Variants in AUTS2 observed in about 807,000 individuals in gnomAD.
The protein encoded by AUTS2 is activator of transcription and developmental regulator AUTS2, also known as autism susceptibility gene 2 protein.
A neutral mutation model predicts 112.4 loss-of-function variants in AUTS2; 17 were observed. That is an observed-to-expected ratio of 0.15 (90% CI 0.10 to 0.23). The LOEUF (loss-of-function observed/expected upper bound fraction) is 0.23, where lower values mean the gene tolerates loss of function less well. Ranked by LOEUF, AUTS2 falls within the 10% of genes least tolerant of loss-of-function variation. The probability of loss-of-function intolerance (pLI) is 1.00; values close to 1 mark genes in which losing one functional copy is unlikely to be tolerated. For synonymous variants in AUTS2, 751 were observed against 702.7 expected (o/e 1.07, Z -1.09); for missense variants, 1,510 against 1,701.6 (o/e 0.89, Z 1.98).
At chr7:70,727,438 C>T (rs1787105457) in intron 6 of AUTS2, among the ~76,000 whole-genome samples, 3 of 152,158 alleles carry the variant, frequency 2.0e-5, no homozygotes, top group African/African-American at 2.4e-5. Flanking sequence ...CAACCTCTAC[C>T]TCCTGGGTTC....
At chr7:70,568,616 C>G (rs1433503269) in intron 5 of AUTS2, among the ~76,000 whole-genome samples, 1 of 152,232 alleles carries the variant, frequency 6.6e-6, no homozygotes, top group Non-Finnish European at 1.5e-5. Context: ...GGACACCTGT[C>G]TCCTTCATCT....
chr7:70,447,782 A>G (rs1386205305), intron 5 of AUTS2, among the ~76,000 whole-genome samples: 1 of 152,252 alleles, frequency 6.6e-6, no homozygotes, highest in Non-Finnish European at 1.5e-5. Flanking sequence ...CCAACAAAAT[A>G]TCACTCAAAG....
intron 4 of AUTS2, among the ~76,000 whole-genome samples, chr7:70,155,536 C>G (rs913883589): frequency 6.6e-6 from 1 of 151,396 alleles, no homozygotes; most frequent in South Asian, 2.1e-4. Flanking sequence ...GCCAGTAAAG[C>G]CTCTGCTGAT....
chr7:70,642,619 T>G (rs958813158), intron 5 of AUTS2, among the ~76,000 whole-genome samples: 1 of 152,130 alleles, frequency 6.6e-6, no homozygotes, highest in African/African-American at 2.4e-5. Context: ...CTGACCTACT[T>G]CCCTGTGTCC....
At chr7:70,586,185 G>A (rs73445466) in intron 5 of AUTS2, among the ~76,000 whole-genome samples, 2,257 of 152,146 alleles carry the variant, frequency 0.015, 57 homozygotes, top group African/African-American at 0.051. Flanking sequence ...TAAAACACTC[G>A]AAACAATGCT....
chr7:69,820,378 A>G (rs957381256), intron 1 of AUTS2, among the ~76,000 whole-genome samples: 3 of 152,218 alleles, frequency 2.0e-5, no homozygotes, highest in Non-Finnish European at 4.4e-5. Context: ...GGAGCACCCT[A>G]ATTCTCTGGG....
intron 5 of AUTS2, among the ~76,000 whole-genome samples, chr7:70,582,655 T>C (rs1218727757): frequency 6.6e-6 from 1 of 152,190 alleles, no homozygotes. Context: ...AATGCTGAGT[T>C]TTGTTAATGA....
At chr7:70,386,188 C>T (rs1793599092) in intron 4 of AUTS2, among the ~76,000 whole-genome samples, 1 of 152,160 alleles carries the variant, frequency 6.6e-6, no homozygotes, top group African/African-American at 2.4e-5. Context: ...ATATGTCTTC[C>T]CTGGGCCATC....
At chr7:69,721,398 C>T (rs569245735) in intron 1 of AUTS2, among the ~76,000 whole-genome samples, 1 of 152,298 alleles carries the variant, frequency 6.6e-6, no homozygotes, top group South Asian at 2.1e-4. Flanking sequence ...TCCCTTATTC[C>T]GCTTTTCTTC....
intron 2 of AUTS2, among the ~76,000 whole-genome samples, chr7:70,007,545 A>G (rs527632326): frequency 1.3e-5 from 2 of 152,298 alleles, no homozygotes; most frequent in East Asian, 3.9e-4. Context: ...TTTATTGAAC[A>G]TTTATTATGT....
At chr7:70,627,900 C>T (rs1805033565) in intron 5 of AUTS2, among the ~76,000 whole-genome samples, 1 of 152,064 alleles carries the variant, frequency 6.6e-6, no homozygotes, top group Non-Finnish European at 1.5e-5. Context: ...GGAAACAGGC[C>T]CCTGTGTAGA....
intron 1 of AUTS2, among the ~76,000 whole-genome samples, chr7:69,810,396 C>T (rs182193457): frequency 2.0e-5 from 3 of 152,100 alleles, no homozygotes; most frequent in African/African-American, 4.8e-5. Flanking sequence ...CAGTGCCTAG[C>T]CCATAATTAA....
At chr7:70,177,583 A>T (rs1343744668) in intron 4 of AUTS2, among the ~76,000 whole-genome samples, 3 of 152,242 alleles carry the variant, frequency 2.0e-5, no homozygotes, top group Non-Finnish European at 4.4e-5. Context: ...AGTCTCAGAA[A>T]AACTGAAGCT....
chr7:70,471,589 G>A (rs989220663), intron 5 of AUTS2, among the ~76,000 whole-genome samples: 1 of 152,058 alleles, frequency 6.6e-6, no homozygotes, highest in African/African-American at 2.4e-5. Context: ...ATAGGCGCTG[G>A]GGATATTAAT....
intron 5 of AUTS2, among the ~76,000 whole-genome samples, chr7:70,575,106 G>C (rs192043159): frequency 1.3e-5 from 2 of 152,184 alleles, no homozygotes; most frequent in Non-Finnish European, 2.9e-5. Context: ...GACAGCGAAG[G>C]CTTTATTAAA....
At position 69,670,555 on chromosome 7, in the gene AUTS2, CAAAAAAAAAAAAAAAAAA is replaced by C. The variant is rs200373158; in HGVS notation, c.309+70612_309+70629del. Among the ~76,000 whole-genome samples, 7 of 119,068 alleles carry C rather than the reference CAAAAAAAAAAAAAAAAAA, an allele frequency of 5.9e-5. No individual in the cohort carries two copies. In the East Asian group the frequency reaches 1.2e-3, roughly 20 times the overall value. 78.1% of individuals were successfully genotyped at this position (119,068 alleles called of 152,430 possible). A position where few individuals can be genotyped will look rare whatever the true frequency, so the allele number is the denominator to read the frequency against. Reference sequence around the variant, plus strand: ...CATGGTTGTTTTTTACTTGATCCCTCAAAAAAAAAAAAAAAAAAAAAAAAAAAAAAAAAAAAGCAGCTG... The same window carrying C: ...CATGGTTGTTTTTTACTTGATCCCTCAAAAAAAAAAAAAAAAAAGCAGCTG... On this transcript the variant is annotated intron_variant, in intron 1 of 18. Transcript: ENST00000342771.
At chr7:70,654,096 A>G (rs1806645285) in intron 5 of AUTS2, among the ~76,000 whole-genome samples, 1 of 152,202 alleles carries the variant, frequency 6.6e-6, no homozygotes, top group Non-Finnish European at 1.5e-5. Context: ...TTCTGTGCCA[A>G]AGCCCATAAT....
chr7:70,060,999 G>C (rs954842910), intron 2 of AUTS2, among the ~76,000 whole-genome samples: 1 of 152,196 alleles, frequency 6.6e-6, no homozygotes, highest in Non-Finnish European at 1.5e-5. Flanking sequence ...CCCTAGGCCT[G>C]TCTCTTGGTA....
At chr7:70,720,162 C>T (rs1213441626) in intron 6 of AUTS2, among the ~76,000 whole-genome samples, 4 of 151,722 alleles carry the variant, frequency 2.6e-5, no homozygotes, top group African/African-American at 9.7e-5. Flanking sequence ...TAGGCAGATC[C>T]GAAGATCAAC....
Sources: allele counts gnomAD v4.1 joint callset (sites outside exome capture counted in the v4.1 genomes callset), GRCh38; gene constraint gnomAD v4.1.1; transcripts MANE v1.5; gene names NCBI Gene and HGNC (gene_info 2026-07-23, HGNC 2026-07-21).